The following IKZF1 variants were observed in gnomAD, a reference collection of about 807,000 sequenced individuals.
IKZF1 encodes the protein IKAROS family zinc finger 1, also known as DNA-binding protein Ikaros.
IKZF1 carries 10 observed loss-of-function variants against 51.7 expected under a neutral mutation model. The observed-to-expected ratio is 0.19, with a 90% CI of 0.12 to 0.33. IKZF1 has a LOEUF of 0.33. Among genes scored for constraint, IKZF1 ranks in the 10% least tolerant of loss-of-function variants. The probability of loss-of-function intolerance (pLI) is 1.00; values close to 1 mark genes in which losing one functional copy is unlikely to be tolerated. For synonymous variants in IKZF1, 280 were observed against 282.3 expected, an observed-to-expected ratio of 0.99 and a Z score of 0.08; for missense variants, 484 against 707.5, an observed-to-expected ratio of 0.68 and a Z score of 3.58.
chr7:50,392,001 C>G (rs543201824), intron 7 of IKZF1, 138 bp downstream of exon 7: 1 of 1,222,762 alleles, frequency 8.2e-7, no homozygotes, highest in Non-Finnish European at 1.1e-6. Flanking sequence ...CTTAACATTC[C>G]TTAAATATCT....
At chr7:50,375,563 G>A (rs1219513415) in intron 3 of IKZF1, among the ~76,000 whole-genome samples, 1 of 152,154 alleles carries the variant, frequency 6.6e-6, no homozygotes, top group Admixed American at 6.5e-5. Flanking sequence ...TTTCTGAAGT[G>A]TGTAAATGAA....
Position 50,319,028 on chromosome 7 carries a change from T to C in IKZF1, c.-14-20T>C, listed in dbSNP as rs1464386174. 1 of 1,572,524 alleles carries C rather than the reference T, an allele frequency of 6.4e-7. No individual in the cohort carries two copies. Among genetic ancestry groups the C allele is most frequent in the Admixed American group, 1.7e-5 (1 of 59,214 alleles). On this transcript the variant is annotated intron_variant, in intron 1 of 7. Transcript: ENST00000331340. Reference sequence around the variant, plus strand: ...TTAGTATTTTTGCTTTAAACTAAAATCCCTTCCTCTCTTTCTCAGATAACC... The same window carrying C: ...TTAGTATTTTTGCTTTAAACTAAAACCCCTTCCTCTCTTTCTCAGATAACC...
At chr7:50,360,067 C>G (rs1420795180) in intron 3 of IKZF1, among the ~76,000 whole-genome samples, 3 of 152,144 alleles carry the variant, frequency 2.0e-5, no homozygotes, top group Admixed American at 2.0e-4. Flanking sequence ...ATTAAGAGGG[C>G]AACTGAGTTG....
chr7:50,376,923 G>A lies in IKZF1; in HGVS notation c.421+130G>A, dbSNP rs1198588687. 1.3e-5 allele frequency: 19 copies of A among 1,450,584 alleles called. No individual in the cohort carries two copies. The highest frequency in any genetic ancestry group is 2.9e-5 in the South Asian group (2 of 69,056). 89.9% of individuals were successfully genotyped at this position (1,450,584 alleles called of 1,614,324 possible). A position where few individuals can be genotyped will look rare whatever the true frequency, so the allele number is the denominator to read the frequency against. The stretch of plus-strand genomic sequence containing the variant: ...GACTGGTAGCTCAGTTGTTGCAAGC[G>A]ATTGGTTCCAAGTGGTACCGAGTCA... On this transcript the variant is annotated intron_variant, in intron 4 of 7. Coordinates refer to ENST00000331340, the MANE Select transcript of IKZF1 (RefSeq NM_006060.6). This position sits in a 1 kb window ranked among gnomAD's most constrained non-coding sequence, Gnocchi z 4.5.
intron 3 of IKZF1, among the ~76,000 whole-genome samples, chr7:50,358,228 C>G (rs556963003): frequency 6.6e-6 from 1 of 152,278 alleles, no homozygotes; most frequent in African/African-American, 2.4e-5. Context: ...CCCCTTACTT[C>G]GAAGAAGTGT....
chr7:50,359,262 A>AAAAAT (rs1158910747), intron 3 of IKZF1, among the ~76,000 whole-genome samples: 1 of 152,220 alleles, frequency 6.6e-6, no homozygotes, highest in Non-Finnish European at 1.5e-5. Flanking sequence ...TCCTGTCTCA[A>AAAAAT]AAAATAAAAT....
At chr7:50,367,909 G>T in intron 3 of IKZF1, 1 of 604,856 alleles carries the variant, frequency 1.7e-6, no homozygotes, top group South Asian at 2.0e-5. Context: ...GTAATAAAAC[G>T]TTCTTTTTTA....
At chr7:50,321,000 A>G (rs1170892581) in intron 2 of IKZF1, among the ~76,000 whole-genome samples, 1 of 152,240 alleles carries the variant, frequency 6.6e-6, no homozygotes, top group Non-Finnish European at 1.5e-5. Context: ...TGAAAGTGAG[A>G]ATAGCATGGT....
At chr7:50,351,954 C>T (rs1801962750) in intron 3 of IKZF1, among the ~76,000 whole-genome samples, 1 of 152,150 alleles carries the variant, frequency 6.6e-6, no homozygotes, top group South Asian at 2.1e-4. Context: ...TAAATACTAG[C>T]TCTGGCATTA....
Position 50,357,199 on chromosome 7 carries a change from C to T in IKZF1, c.161-19334C>T, listed in dbSNP as rs961610203. 9.2e-5 allele frequency among the ~76,000 whole-genome samples: 14 copies of T among 152,148 alleles called. No individual in the cohort carries two copies. The South Asian group carries it at 2.5e-3, about 27-fold the overall frequency. ...ACCCCAGACCAGTTCCCTTAAACCACCTCCCACCACAGGACCCCCACAAGC... is the reference window on the plus strand; with the variant it reads ...ACCCCAGACCAGTTCCCTTAAACCATCTCCCACCACAGGACCCCCACAAGC... On this transcript the variant is annotated intron_variant, in intron 3 of 7. Transcript: ENST00000331340.
At chr7:50,375,061 C>T (rs1809828881) in intron 3 of IKZF1, among the ~76,000 whole-genome samples, 1 of 151,638 alleles carries the variant, frequency 6.6e-6, no homozygotes, top group Non-Finnish European at 1.5e-5. Context: ...CTAGTAAGTT[C>T]TCAGGTGATG....
chr7:50,305,166 G>A (rs1788489437), intron 1 of IKZF1, among the ~76,000 whole-genome samples: 1 of 152,198 alleles, frequency 6.6e-6, no homozygotes, highest in African/African-American at 2.4e-5. Flanking sequence ...CTGTCACCAG[G>A]AGAGGAGTTC....
At chr7:50,396,118 C>G (rs1816641140) in intron 7 of IKZF1, among the ~76,000 whole-genome samples, 4 of 150,988 alleles carry the variant, frequency 2.6e-5, no homozygotes. Flanking sequence ...CTCTTTATTT[C>G]TGGGAAATTC....
chr7:50,357,424 T>C (rs533231233), intron 3 of IKZF1, among the ~76,000 whole-genome samples: 2 of 142,366 alleles, frequency 1.4e-5, no homozygotes, highest in Non-Finnish European at 3.0e-5. Context: ...CTCTTCCTGC[T>C]TCTCATTTTG....
intron 5 of IKZF1, 61 bp downstream of exon 5, chr7:50,382,768 C>G: frequency 6.5e-7 from 1 of 1,528,266 alleles, no homozygotes; most frequent in Non-Finnish European, 8.8e-7. Context: ...CCACTCTGCC[C>G]GCCTGGGTCC....
chr7:50,370,552 C>T (rs1808363842), intron 3 of IKZF1, among the ~76,000 whole-genome samples: 1 of 152,194 alleles, frequency 6.6e-6, no homozygotes. Context: ...AGAAGCCCTC[C>T]AAGATAGGTC....
At chr7:50,325,493 G>C (rs1794708767) in intron 2 of IKZF1, among the ~76,000 whole-genome samples, 1 of 152,142 alleles carries the variant, frequency 6.6e-6, no homozygotes, top group Non-Finnish European at 1.5e-5. Context: ...TCTATTTATA[G>C]GCCGGGCGCA....
chr7:50,394,033 T>C (rs909286561), intron 7 of IKZF1: 9 of 232,014 alleles, frequency 3.9e-5, no homozygotes, highest in Non-Finnish European at 7.7e-5. Context: ...CCCCCACCCT[T>C]GTGAGACCAC....
chr7:50,327,956 C>T (rs559690682), intron 3 of IKZF1, 199 bp downstream of exon 3: 14 of 601,932 alleles, frequency 2.3e-5, no homozygotes, highest in Middle Eastern at 2.6e-4. Context: ...CCAGCATGGC[C>T]GTGAGAGCCA....
Sources: gnomAD v4.1 joint callset for allele counts (sites outside exome capture counted in the v4.1 genomes callset) on GRCh38, gnomAD v4.1.1 for gene constraint, Gnocchi (gnomAD v3.1) non-coding constraint, MANE v1.5 for transcripts, NCBI Gene and HGNC (gene_info 2026-07-23, HGNC 2026-07-21) for gene names.